ZNF221: variants seen among roughly 807,000 people sequenced by gnomAD.
ZNF221 encodes the protein zinc finger protein 221.
ZNF221 carries 10 observed loss-of-function variants against 12.6 expected under a neutral mutation model. The ratio of observed to expected loss-of-function variants is 0.79; its 90% CI spans 0.49 to 1.34. The LOEUF (loss-of-function observed/expected upper bound fraction) is 1.34. Ranked by LOEUF, ZNF221 falls within the 40% of genes most tolerant of loss-of-function variation. The pLI is 0.00. For missense variants in ZNF221, 661 were observed against 721.4 expected, an observed-to-expected ratio of 0.92 and a Z score of 0.96; for synonymous variants, 232 against 244.0, an observed-to-expected ratio of 0.95 and a Z score of 0.46.
downstream of ZNF221, among the ~76,000 whole-genome samples, chr19:43,970,630 C>G (rs1470712555): frequency 6.6e-6 from 1 of 152,046 alleles, no homozygotes; most frequent in Non-Finnish European, 1.5e-5. Context: ...TCACAAGTAT[C>G]AATTGTAGAA....
chr19:43,953,495 A>T (rs113253865), intron 1 of ZNF221, among the ~76,000 whole-genome samples: 4,034 of 152,178 alleles, frequency 0.027, 176 homozygotes, highest in African/African-American at 0.088. Flanking sequence ...ACCATTGGCC[A>T]CTGGTGATCA....
downstream of ZNF221, chr19:43,967,755 G>A (rs377039550): frequency 3.5e-5 from 6 of 173,712 alleles, no homozygotes; most frequent in African/African-American, 1.4e-4. Context: ...TGGGATTACA[G>A]GCGTGAGCCA....
At chr19:43,969,893 C>T (rs531671260), downstream of ZNF221, among the ~76,000 whole-genome samples, 217 of 152,338 alleles carry the variant, frequency 1.4e-3, no homozygotes, top group African/African-American at 5.0e-3. Context: ...CACCGCAGCA[C>T]ACCTGCTGTA....
At chr19:43,975,226 A>G in the ZNF221 span, among the ~76,000 whole-genome samples, 5 of 152,218 alleles carry the variant, frequency 3.3e-5, no homozygotes, top group Non-Finnish European at 7.3e-5. Context: ...AAATCATTCT[A>G]TTAGAAAGAT....
At chr19:43,963,246 CAT>C (rs1174022583) in intron 2 of ZNF221, among the ~76,000 whole-genome samples, 1 of 152,182 alleles carries the variant, frequency 6.6e-6, no homozygotes, top group Non-Finnish European at 1.5e-5. Context: ...ACTTCACACT[CAT>C]AGACATTTAG....
At chr19:43,963,123 A>G (rs1390034290) in intron 2 of ZNF221, among the ~76,000 whole-genome samples, 2 of 152,114 alleles carry the variant, frequency 1.3e-5, no homozygotes, top group East Asian at 3.8e-4. Flanking sequence ...ATTTTTATTG[A>G]TGACATACCT....
chr19:43,978,856 G>T, the ZNF221 span, among the ~76,000 whole-genome samples: 1 of 150,954 alleles, frequency 6.6e-6, no homozygotes, highest in Non-Finnish European at 1.5e-5. Context: ...AGCTTCCCAA[G>T]TTATTATTCT....
chr19:43,960,995 C>G (rs1210317623), intron 1 of ZNF221, among the ~76,000 whole-genome samples: 1 of 152,194 alleles, frequency 6.6e-6, no homozygotes, highest in African/African-American at 2.4e-5. Context: ...GGGACCACTG[C>G]CCTCTGAGAA....
chr19:43,952,326 G>C (rs552375598), intron 1 of ZNF221, among the ~76,000 whole-genome samples: 1 of 152,170 alleles, frequency 6.6e-6, no homozygotes, highest in African/African-American at 2.4e-5. Flanking sequence ...ATTGCTTGGA[G>C]GTAGACGGAG....
the ZNF221 span, among the ~76,000 whole-genome samples, chr19:43,976,331 G>A: frequency 4.2e-4 from 64 of 151,988 alleles, no homozygotes; most frequent in Non-Finnish European, 7.2e-4. Context: ...TGAGGCCATG[G>A]GTTCGAGATC....
chr19:43,963,414 C>G (rs1165914761), intron 2 of ZNF221, among the ~76,000 whole-genome samples: 1 of 152,190 alleles, frequency 6.6e-6, no homozygotes, highest in African/African-American at 2.4e-5. Flanking sequence ...TTCAACAGGG[C>G]ACAGCACATG....
downstream of ZNF221, among the ~76,000 whole-genome samples, chr19:43,969,334 C>CTTTT (rs60512580): frequency 6.9e-5 from 4 of 57,998 alleles, no homozygotes; most frequent in Admixed American, 2.4e-4. Context: ...CAGACTGCTG[C>CTTTT]TTTTTTTTTT....
chr19:43,977,751 G>A, the ZNF221 span, among the ~76,000 whole-genome samples: 11 of 152,152 alleles, frequency 7.2e-5, no homozygotes, highest in Non-Finnish European at 1.3e-4. Context: ...TCTTCAAAGT[G>A]TCTAGTTGAG....
rs560328886 is a variant in ZNF221 at position 43,955,162 on chromosome 19, C to A, written c.-3+3762C>A. On this transcript the variant is annotated intron_variant, in intron 1 of 4. Coordinates refer to ENST00000587682, the MANE Select transcript of ZNF221 (RefSeq NM_001297588.2). ...ACATTTGGATCTTCCACCATATAAG[C>A]AAAACCCGGTCAAGAATCAGTGTCT... Among the ~76,000 whole-genome samples, 45 of 151,776 alleles carry A rather than the reference C, an allele frequency of 3.0e-4. No individual in the cohort carries two copies. In the Middle Eastern group the frequency reaches 0.02, roughly 69 times the overall value.
At chr19:43,956,255 T>A (rs1668612247) in intron 1 of ZNF221, among the ~76,000 whole-genome samples, 1 of 152,246 alleles carries the variant, frequency 6.6e-6, no homozygotes, top group Non-Finnish European at 1.5e-5. Context: ...CCATTTAGCA[T>A]GTCCAACTAA....
At chr19:43,962,546 C>A (rs777215596) in intron 1 of ZNF221, among the ~76,000 whole-genome samples, 179 bp from the exon 2 acceptor site, 1 of 152,126 alleles carries the variant, frequency 6.6e-6, no homozygotes, top group South Asian at 2.1e-4. Flanking sequence ...TATGGATATG[C>A]CATGATTTGT....
the ZNF221 span, among the ~76,000 whole-genome samples, chr19:43,979,422 C>CATATAT: frequency 4.2e-3 from 580 of 138,582 alleles, 7 homozygotes; most frequent in South Asian, 0.017. Context: ...AACAGTAATA[C>CATATAT]ATATATATAT....
chr19:43,955,964 A>T (rs1974747818), intron 1 of ZNF221, among the ~76,000 whole-genome samples: 1 of 152,192 alleles, frequency 6.6e-6, no homozygotes. Flanking sequence ...TGTTTTCCTA[A>T]CATTACCTAA....
intron 1 of ZNF221, among the ~76,000 whole-genome samples, chr19:43,959,946 A>G (rs1236347194): frequency 6.6e-6 from 1 of 151,450 alleles, no homozygotes; most frequent in Non-Finnish European, 1.5e-5. Flanking sequence ...AGGGCTCAGA[A>G]GAAGATAAGA....
Sources: gnomAD v4.1 joint callset for allele counts (sites outside exome capture counted in the v4.1 genomes callset) on GRCh38, gnomAD v4.1.1 for gene constraint, MANE v1.5 for transcripts, NCBI Gene and HGNC (gene_info 2026-07-23, HGNC 2026-07-21) for gene names.